YJEFN3: variants seen among roughly 807,000 people sequenced by gnomAD.
The protein encoded by YJEFN3 is YjeF N-terminal domain containing 3.
In YJEFN3, 29 loss-of-function variants were observed where a neutral mutation model predicts 31.5. The observed-to-expected ratio is 0.92, with a 90% confidence interval of 0.69 to 1.26. YJEFN3 has a LOEUF of 1.26. Ranked by LOEUF, YJEFN3 falls within the 50% of genes most tolerant of loss-of-function variation. The probability of loss-of-function intolerance (pLI) is 0.00; values close to 1 mark genes in which losing one functional copy is unlikely to be tolerated. For synonymous variants in YJEFN3, 227 were observed against 196.1 expected, an observed-to-expected ratio of 1.16 and a Z score of -1.32; for missense variants, 442 against 425.4, an observed-to-expected ratio of 1.04 and a Z score of -0.34.
chr19:19,533,545 C>A, intron 3 of YJEFN3: 1 of 722,980 alleles, frequency 1.4e-6, no homozygotes, highest in Non-Finnish European at 1.7e-6. Context: ...TCTCCTTCCT[C>A]TCCCTCCTCC....
chr19:19,532,135 C>T (rs1321618879), intron 2 of YJEFN3, among the ~76,000 whole-genome samples: 1 of 152,224 alleles, frequency 6.6e-6, no homozygotes, highest in Non-Finnish European at 1.5e-5. Context: ...CTGAGTGTGC[C>T]ATCAAACACT....
Position 19,535,383 on chromosome 19 carries a change from T to C in YJEFN3, c.476T>C (p.Leu159Pro), listed in dbSNP as rs2061198192. 6.2e-7 allele frequency: 1 copy of C among 1,613,856 alleles called. No homozygotes were observed. Among genetic ancestry groups the C allele is most frequent in the African/African-American group, 1.3e-5 (1 of 74,920 alleles). ...TACCCCACACGCTCGCTGGACCTGCTGCATCGGGACCTGACCACCCAGTGC... is the reference window on the plus strand; with the variant it reads ...TACCCCACACGCTCGCTGGACCTGCCGCATCGGGACCTGACCACCCAGTGC... ...IFYPTRSLDLLHRDLTTQCEK... is the reference protein window; with the variant it reads ...IFYPTRSLDLPHRDLTTQCEK... The change falls in exon 5 of 7, where the codon CTG (leucine) becomes CCG (proline). Residue 159 changes from leucine (L) to proline (P), a missense_variant. Coordinates refer to ENST00000514277, the MANE Select transcript of YJEFN3 (RefSeq NM_198537.4).
intron 6 of YJEFN3, 146 bp from the exon 7 acceptor site, chr19:19,537,173 A>C: frequency 1.6e-6 from 1 of 645,090 alleles, no homozygotes; most frequent in Non-Finnish European, 2.4e-6. Context: ...GGGGAGGGGA[A>C]GTGGGGGTGG....
rs2061191717 is a variant in YJEFN3, at chr19:19,534,787, A to G, written c.319-247A>G. The stretch of plus-strand genomic sequence containing the variant: ...ACAAACCGCACTCCGGGCGACGGGC[A>G]GTGGCTGGATGCACGTTTTTCCTGC... On this transcript the variant is annotated intron_variant, in intron 3 of 6. Coordinates refer to ENST00000514277, the MANE Select transcript of YJEFN3 (RefSeq NM_198537.4). This position sits in a 1 kb window ranked among gnomAD's most constrained non-coding sequence, Gnocchi z 4.6. 1.6e-5 allele frequency: 6 copies of G among 383,064 alleles called. No homozygotes were observed. The highest frequency in any genetic ancestry group is 6.7e-4 in the Middle Eastern group (1 of 1,482). 23.7% of individuals were successfully genotyped at this position (383,064 alleles called of 1,614,324 possible). A position where few individuals can be genotyped will look rare whatever the true frequency, so the allele number is the denominator to read the frequency against.
At chr19:19,531,982 C>T (rs577478738) in intron 2 of YJEFN3, among the ~76,000 whole-genome samples, 6 of 152,106 alleles carry the variant, frequency 3.9e-5, no homozygotes, top group Non-Finnish European at 8.8e-5. Flanking sequence ...TCAAGTGATC[C>T]ACCCGCCTCA....
At chr19:19,535,211 G>T in intron 4 of YJEFN3, 67 bp downstream of exon 4, 1 of 1,523,176 alleles carries the variant, frequency 6.6e-7, no homozygotes. Flanking sequence ...GCCTTCTTTT[G>T]ATAGCTTCCC....
At chr19:19,536,079 C>G (rs2061206627) in intron 6 of YJEFN3, 3 of 485,784 alleles carry the variant, frequency 6.2e-6, no homozygotes, top group Non-Finnish European at 1.1e-5. Flanking sequence ...GGCTGGACTC[C>G]GGGGGATGTC....
In YJEFN3 at chr19:19,534,120, G is replaced by A; in HGVS notation, c.319-914G>A. 1.0e-6 allele frequency: 1 copy of A among 985,662 alleles called. No individual in the cohort carries two copies. The allele number at this position is 985,662 out of a possible 1,614,324, so 61.1% of individuals were successfully genotyped here. A position where few individuals can be genotyped will look rare whatever the true frequency, so the allele number is the denominator to read the frequency against. ...CTGAGTCTGGGAGAGAAGGGGCTGG[G>A]GCCACGCAGAATCAGGGCAGGGCTG... On this transcript the variant is annotated intron_variant, in intron 3 of 6. Coordinates refer to ENST00000514277, the MANE Select transcript of YJEFN3 (RefSeq NM_198537.4). The surrounding 1 kb of genome is among the most constrained non-coding windows in gnomAD (Gnocchi z 4.6).
At position 19,535,100 on chromosome 19, in the gene YJEFN3, A is replaced by C. The variant is rs774837912; in HGVS notation, c.385A>C (p.Asn129His). The C allele has an allele frequency of 6.2e-7, 1 of 1,612,130 alleles. No individual in the cohort carries two copies. Among genetic ancestry groups the C allele is most frequent in the African/African-American group, 1.3e-5 (1 of 74,982 alleles). Reference sequence around the variant, plus strand: ...GCTGGTCGTGTGTGGCCCGGAGCAGAACGGGGCAGTGGGGCTGGTCTGTGC... The same window carrying C: ...GCTGGTCGTGTGTGGCCCGGAGCAGCACGGGGCAGTGGGGCTGGTCTGTGC... ...TVLVVCGPEQ[N>H]GAVGLVCARH... is the part of the protein sequence containing the mutation. Residue 129 changes from asparagine (N) to histidine (H), a missense_variant, in exon 4 of 7, where the codon AAC becomes CAC. By Grantham distance (68) the Asn-to-His change is moderately conservative. Transcript: ENST00000514277.
Position 19,537,357 on chromosome 19 carries a change from CTGCGGCCTGACG to C in YJEFN3, c.737_748del (p.Arg246_Val249del). ...GACCGGCAGCGATTCGGAGGACGGG[CTGCGGCCTGACG>C]TGCTGGTGTCTCTCGCGGCGCCCAA... On this transcript the variant is annotated inframe_deletion, in exon 7 of 7. Transcript: ENST00000514277. The C allele has an allele frequency of 1.3e-6, 2 of 1,595,986 alleles. No individual in the cohort carries two copies. Among genetic ancestry groups the C allele is most frequent in the South Asian group, 2.2e-5 (2 of 90,272 alleles).
chr19:19,532,414 TGGCTCCCACACCGCG>T (rs1352687213), intron 2 of YJEFN3, among the ~76,000 whole-genome samples: 3 of 152,186 alleles, frequency 2.0e-5, no homozygotes, highest in Non-Finnish European at 4.4e-5. Flanking sequence ...CCTCGGGCTT[TGGCTCCCACACCGCG>T]GCCCGCCAGG....
chr19:19,535,813 C>A, intron 6 of YJEFN3, 134 bp downstream of exon 6: 1 of 1,187,830 alleles, frequency 8.4e-7, no homozygotes, highest in Non-Finnish European at 1.2e-6. Flanking sequence ...TTGGCTGAGG[C>A]TAAGGGTCAC....
intron 2 of YJEFN3, among the ~76,000 whole-genome samples, chr19:19,530,889 C>T (rs773844754): frequency 8.5e-5 from 13 of 152,174 alleles, no homozygotes; most frequent in African/African-American, 4.8e-5. Flanking sequence ...TGTGGACCCC[C>T]GAAGTGTCCT....
rs994849789 is a variant in YJEFN3, at chr19:19,533,318, TAATA to T, written c.318+582_318+585del. On this transcript the variant is annotated intron_variant, in intron 3 of 6. Transcript: ENST00000514277. ...GGCATCAGTTTCCTCTGCAACAGCA[TAATA>T]AATGGTACTGACGAGTCAGTCCCTA... is the stretch of plus-strand genomic sequence containing the variant. The T allele has an allele frequency of 4.1e-6, 4 of 985,612 alleles. No homozygotes were observed. In the African/African-American group the frequency reaches 7.0e-5, roughly 17 times the overall value. 61.1% of individuals were successfully genotyped at this position (985,612 alleles called of 1,614,324 possible).
chr19:19,533,989 A>C, intron 3 of YJEFN3: 1 of 985,592 alleles, frequency 1.0e-6, no homozygotes, highest in Non-Finnish European at 1.2e-6. Context: ...AAAGGGGAGT[A>C]ATCTGCTGTC....
At chr19:19,532,789 C>A in intron 3 of YJEFN3, 49 bp downstream of exon 3, 1 of 1,419,596 alleles carries the variant, frequency 7.0e-7, no homozygotes, top group Non-Finnish European at 9.6e-7. Context: ...ACGGCCAACT[C>A]TCCTGAGCTG....
At chr19:19,533,871 C>T (rs1367529243) in intron 3 of YJEFN3, 2 of 985,530 alleles carry the variant, frequency 2.0e-6, no homozygotes, top group Non-Finnish European at 2.4e-6. Flanking sequence ...TGTCCAGAAG[C>T]CCCTCAGTCC....
At chr19:19,535,776 A>G (rs916330617) in intron 6 of YJEFN3, 97 bp downstream of exon 6, 42 of 1,443,288 alleles carry the variant, frequency 2.9e-5, no homozygotes, top group South Asian at 3.6e-5. Flanking sequence ...CTGAACCTCA[A>G]TCTCCCCAGC....
Position 19,534,245 on chromosome 19 carries a change from A to G in YJEFN3, c.319-789A>G. ...CAGAGAGATACAGAGACAGCCAGAG[A>G]CAAATGGAGAGAGAGACAAATGGAG... On this transcript the variant is annotated intron_variant, in intron 3 of 6. Coordinates refer to ENST00000514277, the MANE Select transcript of YJEFN3 (RefSeq NM_198537.4). The surrounding 1 kb of genome is among the most constrained non-coding windows in gnomAD (Gnocchi z 4.6). The G allele has an allele frequency of 1.2e-6, 1 of 841,152 alleles. No individual in the cohort carries two copies. The highest frequency in any genetic ancestry group is 1.4e-6 in the Non-Finnish European group (1 of 718,802). The allele number at this position is 841,152 out of a possible 1,614,324, so 52.1% of individuals were successfully genotyped here.
Sources: gnomAD v4.1 joint callset for allele counts (sites outside exome capture counted in the v4.1 genomes callset) on GRCh38, gnomAD v4.1.1 for gene constraint, Gnocchi (gnomAD v3.1) non-coding constraint, MANE v1.5 for transcripts, NCBI Gene and HGNC (gene_info 2026-07-23, HGNC 2026-07-21) for gene names.